Variants in AHI1 observed in about 807,000 individuals in gnomAD.
The protein encoded by AHI1 is Abelson helper integration site 1, also known as jouberin.
In AHI1, 123 loss-of-function variants were observed where a neutral mutation model predicts 149.3. The ratio of observed to expected loss-of-function variants is 0.82; its 90% CI spans 0.71 to 0.96. The LOEUF (loss-of-function observed/expected upper bound fraction) is 0.96. Among genes scored for constraint, AHI1 ranks in the 40% least tolerant of loss-of-function variants. The probability of loss-of-function intolerance (pLI) is 0.00; values close to 1 mark genes in which losing one functional copy is unlikely to be tolerated. For synonymous variants in AHI1, 475 were observed against 459.8 expected (o/e 1.03, Z -0.42); for missense variants, 1,439 against 1,422.7 (o/e 1.01, Z -0.18).
intron 27 of AHI1, among the ~76,000 whole-genome samples, chr6:135,293,668 T>G (rs1340092294): frequency 7.1e-6 from 1 of 140,724 alleles, no homozygotes; most frequent in Non-Finnish European, 1.5e-5. Context: ...CAAAGACCTA[T>G]ACACTGTATG....
At chr6:135,433,420 T>C (rs1185596128) in intron 15 of AHI1, among the ~76,000 whole-genome samples, 164 bp from the exon 16 acceptor site, 8 of 152,104 alleles carry the variant, frequency 5.3e-5, no homozygotes, top group African/African-American at 1.7e-4. Context: ...TGATCTCATA[T>C]TTGATGACTG....
At chr6:135,394,649 G>T in intron 23 of AHI1, 127 bp downstream of exon 23, 1 of 1,303,028 alleles carries the variant, frequency 7.7e-7, no homozygotes, top group Non-Finnish European at 1.1e-6. Context: ...AGAGATGCTA[G>T]AATATAATTT....
At chr6:135,361,489 T>C (rs1156551954) in intron 23 of AHI1, among the ~76,000 whole-genome samples, 4 of 152,290 alleles carry the variant, frequency 2.6e-5, no homozygotes, top group African/African-American at 4.8e-5. Flanking sequence ...TCTAGGTTAA[T>C]AGCCATTTTC....
At chr6:135,348,342 T>C (rs1433507274) in intron 24 of AHI1, among the ~76,000 whole-genome samples, 1 of 152,212 alleles carries the variant, frequency 6.6e-6, no homozygotes, top group Non-Finnish European at 1.5e-5. Context: ...ATTGTTTCCT[T>C]CATTTCATAG....
chr6:135,372,060 T>C (rs1775146535), intron 23 of AHI1, among the ~76,000 whole-genome samples: 1 of 152,056 alleles, frequency 6.6e-6, no homozygotes, highest in African/African-American at 2.4e-5. Flanking sequence ...CTGGAAGAAA[T>C]GGTTTCTGGA....
At chr6:135,463,401 G>T in intron 7 of AHI1, 95 bp from the exon 8 acceptor site, 1 of 1,031,498 alleles carries the variant, frequency 9.7e-7, no homozygotes, top group Non-Finnish European at 1.4e-6. Flanking sequence ...TAGGAGCAAA[G>T]ATAATCCTAA....
intron 23 of AHI1, among the ~76,000 whole-genome samples, chr6:135,364,352 C>T (rs1794544420): frequency 6.7e-6 from 1 of 150,036 alleles, no homozygotes; most frequent in African/African-American, 2.5e-5. Context: ...GGAAGAGGCG[C>T]TCCTCACTTC....
chr6:135,361,798 G>A (rs1359995961), intron 23 of AHI1, among the ~76,000 whole-genome samples: 4 of 151,720 alleles, frequency 2.6e-5, no homozygotes, highest in African/African-American at 7.3e-5. Context: ...GTGTATGTGT[G>A]TATCTTTGGA....
At chr6:135,338,025 C>T (rs922226466) in intron 24 of AHI1, among the ~76,000 whole-genome samples, 11 of 152,018 alleles carry the variant, frequency 7.2e-5, no homozygotes, top group Non-Finnish European at 1.3e-4. Flanking sequence ...TGGCTGGGCG[C>T]GGTGGCTCAC....
chr6:135,484,378 C>A (rs893505457), intron 5 of AHI1, among the ~76,000 whole-genome samples: 1 of 152,084 alleles, frequency 6.6e-6, no homozygotes, highest in Non-Finnish European at 1.5e-5. Context: ...CTTTTAAATA[C>A]CTTTTTGATA....
At chr6:135,328,893 T>C (rs1788113126) in intron 24 of AHI1, among the ~76,000 whole-genome samples, 1 of 152,144 alleles carries the variant, frequency 6.6e-6, no homozygotes. Flanking sequence ...AAAACAGCCT[T>C]ATTGCTGATA....
At chr6:135,441,780 G>A (rs778911753) in intron 14 of AHI1, among the ~76,000 whole-genome samples, 1 of 151,972 alleles carries the variant, frequency 6.6e-6, no homozygotes, top group Non-Finnish European at 1.5e-5. Context: ...TAGCATAGTG[G>A]TAATCAAACG....
intron 26 of AHI1, chr6:135,302,897 G>A: frequency 1.0e-6 from 1 of 986,674 alleles, no homozygotes; most frequent in Non-Finnish European, 1.4e-6. Flanking sequence ...CAAAGAACAT[G>A]ACTGCCCTTC....
rs143314021 is a variant in AHI1, at chr6:135,400,875, A to G, written c.2988+4076T>C. Among the ~76,000 whole-genome samples, 490 of 152,186 alleles carry G rather than the reference A, an allele frequency of 3.2e-3. 3 individuals are homozygous for G. The highest frequency in any genetic ancestry group is 0.011 in the African/African-American group (448 of 41,552). On this transcript the variant is annotated intron_variant, in intron 22 of 28. Transcript: ENST00000265602. ...TGACCATACCTTTCTTTTCTCCTCC[A>G]GCCTGTTTTTTTCCCTTTAAATATT...
intron 23 of AHI1, among the ~76,000 whole-genome samples, chr6:135,393,305 T>A (rs922145248): frequency 7.9e-5 from 12 of 152,206 alleles, no homozygotes; most frequent in Non-Finnish European, 1.5e-4. Flanking sequence ...ATTATCTATA[T>A]CTTGTTGGCA....
chr6:135,392,708 G>C (rs1158635856), intron 23 of AHI1, among the ~76,000 whole-genome samples: 1 of 152,100 alleles, frequency 6.6e-6, no homozygotes, highest in East Asian at 1.9e-4. Context: ...AAACTGATTT[G>C]AACACTGAAT....
chr6:135,398,377 T>TA (rs1779555041), intron 22 of AHI1, among the ~76,000 whole-genome samples: 1 of 152,082 alleles, frequency 6.6e-6, no homozygotes, highest in Admixed American at 6.6e-5. Context: ...CTGTAACTGT[T>TA]AAAGAAAAAT....
chr6:135,483,267 C>A (rs2128125392), intron 5 of AHI1, among the ~76,000 whole-genome samples: 1 of 152,014 alleles, frequency 6.6e-6, no homozygotes, highest in South Asian at 2.1e-4. Context: ...TTGACACAGC[C>A]AAGGTAATTA....
chr6:135,357,605 T>C (rs910636549), intron 24 of AHI1, among the ~76,000 whole-genome samples: 57 of 152,398 alleles, frequency 3.7e-4, no homozygotes, highest in African/African-American at 1.3e-3. Flanking sequence ...GTGTACTCTA[T>C]ATCATCTTAT....
Sources: gnomAD v4.1 joint callset for allele counts (sites outside exome capture counted in the v4.1 genomes callset) on GRCh38, gnomAD v4.1.1 for gene constraint, MANE v1.5 for transcripts, NCBI Gene and HGNC (gene_info 2026-07-23, HGNC 2026-07-21) for gene names.